The following SH3BGR variants were observed in gnomAD, a reference collection of about 807,000 sequenced individuals.
SH3BGR encodes SH3 domain binding glutamate rich protein, also known as SH3 domain-binding glutamic acid-rich protein.
A neutral mutation model predicts 24.5 loss-of-function variants in SH3BGR; 29 were observed. The observed-to-expected ratio is 1.18, with a 90% CI of 0.88 to 1.61. The LOEUF (loss-of-function observed/expected upper bound fraction) is 1.61. Ranked by LOEUF, SH3BGR falls within the 40% of genes most tolerant of loss-of-function variation. SH3BGR has a pLI of 0.00. For missense variants in SH3BGR, 162 were observed against 205.8 expected (o/e 0.79, Z 1.30); for synonymous variants, 55 against 65.7 (o/e 0.84, Z 0.79).
chr21:39,452,786 A>G (rs1227861060), intron 1 of SH3BGR, among the ~76,000 whole-genome samples: 1 of 151,960 alleles, frequency 6.6e-6, no homozygotes, highest in Non-Finnish European at 1.5e-5. Context: ...GAGACCATCT[A>G]CCTCTTCAAT....
intron 1 of SH3BGR, among the ~76,000 whole-genome samples, chr21:39,453,794 T>C (rs1325551209): frequency 6.6e-6 from 1 of 152,240 alleles, no homozygotes; most frequent in Non-Finnish European, 1.5e-5. Flanking sequence ...AGTGCCTACA[T>C]CATAGTGTTG....
intron 2 of SH3BGR, among the ~76,000 whole-genome samples, chr21:39,468,619 T>G (rs183795735): frequency 1.3e-5 from 2 of 152,328 alleles, no homozygotes; most frequent in Non-Finnish European, 2.9e-5. Flanking sequence ...TTGTATTTTT[T>G]GTAGAGATGG....
At position 39,494,905 on chromosome 21, in the gene SH3BGR, T is replaced by G. The variant is rs554845634; in HGVS notation, c.313-4918T>G. On this transcript the variant is annotated intron_variant, in intron 3 of 6. Transcript: ENST00000333634. ...AAAATTTTTTCAGTCTTGTTTTTCTTTGATCTTCATATTGGATAATTTCTA... is the reference window on the plus strand; with the variant it reads ...AAAATTTTTTCAGTCTTGTTTTTCTGTGATCTTCATATTGGATAATTTCTA... 1.2e-4 allele frequency among the ~76,000 whole-genome samples: 19 copies of G among 152,268 alleles called. No homozygotes were observed. In the East Asian group the frequency reaches 3.5e-3, roughly 28 times the overall value.
intron 2 of SH3BGR, among the ~76,000 whole-genome samples, chr21:39,472,777 C>A (rs1387705271): frequency 6.6e-6 from 1 of 152,112 alleles, no homozygotes; most frequent in Non-Finnish European, 1.5e-5. Context: ...AAGGCAGAAC[C>A]CTCTGAAGTT....
intron 3 of SH3BGR, among the ~76,000 whole-genome samples, chr21:39,495,483 T>TC (rs1491224505): frequency 2.2e-4 from 23 of 105,922 alleles, no homozygotes; most frequent in Admixed American, 6.0e-4. Context: ...TAAAAGTCTC[T>TC]TTTTTTTTTT....
At chr21:39,470,091 CA>C (rs1316993930) in intron 2 of SH3BGR, among the ~76,000 whole-genome samples, 2 of 151,884 alleles carry the variant, frequency 1.3e-5, no homozygotes, top group East Asian at 3.9e-4. Flanking sequence ...CTCAGTTTTG[CA>C]GTTTTTTTAA....
At chr21:39,474,488 A>G (rs935619253) in intron 2 of SH3BGR, among the ~76,000 whole-genome samples, 4 of 152,190 alleles carry the variant, frequency 2.6e-5, no homozygotes, top group Non-Finnish European at 4.4e-5. Flanking sequence ...CTTCTAAGCT[A>G]TTGACAGCTG....
In SH3BGR at chr21:39,489,731, C is replaced by T. The variant is rs560001220; in HGVS notation, c.313-10092C>T. 2.0e-5 allele frequency among the ~76,000 whole-genome samples: 3 copies of T among 152,232 alleles called. No individual in the cohort carries two copies. In the South Asian group the frequency reaches 6.2e-4, roughly 32 times the overall value. Reference sequence around the variant, plus strand: ...GGTGCAAGAGTAATTGCGGTTTTTGCCATTAAAAATAGTATGCCAGGGCTA... The same window carrying T: ...GGTGCAAGAGTAATTGCGGTTTTTGTCATTAAAAATAGTATGCCAGGGCTA... On this transcript the variant is annotated intron_variant, in intron 3 of 6. Coordinates refer to ENST00000333634, the MANE Select transcript of SH3BGR (RefSeq NM_007341.3).
chr21:39,480,380 C>A (rs151166502), intron 3 of SH3BGR, among the ~76,000 whole-genome samples: 2 of 152,204 alleles, frequency 1.3e-5, no homozygotes, highest in African/African-American at 4.8e-5. Flanking sequence ...GGGAACCACT[C>A]AAATGCTTTC....
intron 3 of SH3BGR, among the ~76,000 whole-genome samples, chr21:39,477,972 T>C (rs2123400636): frequency 6.6e-6 from 1 of 152,290 alleles, no homozygotes; most frequent in East Asian, 1.9e-4. Flanking sequence ...ACATCTGCCT[T>C]TCATTGAATA....
chr21:39,502,340 A>G (rs2078508636), intron 4 of SH3BGR, among the ~76,000 whole-genome samples: 1 of 152,204 alleles, frequency 6.6e-6, no homozygotes, highest in Non-Finnish European at 1.5e-5. Flanking sequence ...TAGTAGTTTC[A>G]TGTAGGTATG....
At chr21:39,462,086 C>T (rs757068465) in intron 1 of SH3BGR, among the ~76,000 whole-genome samples, 17 of 151,942 alleles carry the variant, frequency 1.1e-4, no homozygotes, top group Non-Finnish European at 1.5e-4. Context: ...TGACCTCAAG[C>T]GATCCACCTG....
chr21:39,469,159 G>C (rs915982733), intron 2 of SH3BGR, among the ~76,000 whole-genome samples: 1 of 151,858 alleles, frequency 6.6e-6, no homozygotes, highest in Non-Finnish European at 1.5e-5. Flanking sequence ...GGAAGGTACA[G>C]AAATTTCCCA....
intron 1 of SH3BGR, among the ~76,000 whole-genome samples, chr21:39,456,526 A>G (rs76487556): frequency 0.19 from 28,738 of 152,114 alleles, 2,881 homozygotes; most frequent in Middle Eastern, 0.27. Flanking sequence ...CAGCCGTGAA[A>G]CTGTGGAATT....
chr21:39,503,829 AG>A (rs1367466139), intron 4 of SH3BGR, among the ~76,000 whole-genome samples: 1 of 152,330 alleles, frequency 6.6e-6, no homozygotes, highest in East Asian at 1.9e-4. Context: ...GGAGGTCAGG[AG>A]GGTGAACACC....
intron 2 of SH3BGR, among the ~76,000 whole-genome samples, chr21:39,471,469 G>A (rs2077939398): frequency 6.6e-6 from 1 of 151,982 alleles, no homozygotes; most frequent in Non-Finnish European, 1.5e-5. Context: ...CTTGAGTTTA[G>A]GTTTTCCCCT....
At chr21:39,512,633 A>G (rs1374524045) in intron 6 of SH3BGR, among the ~76,000 whole-genome samples, 2 of 152,142 alleles carry the variant, frequency 1.3e-5, no homozygotes, top group African/African-American at 4.8e-5. Context: ...CCCTAAAGAC[A>G]TGAAGTGCAT....
intron 3 of SH3BGR, among the ~76,000 whole-genome samples, chr21:39,492,458 GTGTGTGTGTATA>G (rs1351561871): frequency 9.3e-6 from 1 of 107,708 alleles, no homozygotes; most frequent in African/African-American, 3.0e-5. Flanking sequence ...GTGTGTGTGT[GTGTGTGTGTATA>G]TATATATATA....
rs796771031 is a variant in SH3BGR at position 39,511,421 on chromosome 21, G to T, written c.436-259G>T. 8.1e-5 allele frequency among the ~76,000 whole-genome samples: 12 copies of T among 149,032 alleles called. No homozygotes were observed. Among genetic ancestry groups the T allele is most frequent in the African/African-American group, 2.0e-4 (8 of 39,926 alleles). ...TGGATGTGTGTCTGGGTGGTGTGTG[G>T]GGGGGTGTGTGTGCTGTGTGTCATG... On this transcript the variant is annotated intron_variant, in intron 5 of 6. Transcript: ENST00000333634. This position sits in a 1 kb window ranked among gnomAD's most constrained non-coding sequence, Gnocchi z 4.2.
Sources: gnomAD v4.1 joint callset for allele counts (sites outside exome capture counted in the v4.1 genomes callset) on GRCh38, gnomAD v4.1.1 for gene constraint, Gnocchi (gnomAD v3.1) non-coding constraint, MANE v1.5 for transcripts, NCBI Gene and HGNC (gene_info 2026-07-23, HGNC 2026-07-21) for gene names.